Variants in ITPR2 observed in about 807,000 individuals in gnomAD.
ITPR2 encodes inositol 1,4,5-trisphosphate receptor type 2, also known as inositol 1,4,5-trisphosphate-gated calcium channel ITPR2.
In ITPR2, 207 loss-of-function variants were observed where a neutral mutation model predicts 317.1. The ratio of observed to expected loss-of-function variants is 0.65; its 90% CI spans 0.58 to 0.73. ITPR2 has a LOEUF of 0.73. ITPR2 is among the 30% of genes least tolerant of loss of function. The pLI is 0.00. For missense variants in ITPR2, 2,613 were observed against 3,284.0 expected (o/e 0.80, Z 4.99); for synonymous variants, 1,156 against 1,149.1 (o/e 1.01, Z -0.12).
chr12:26,487,943 A>G (rs985335024), intron 39 of ITPR2, among the ~76,000 whole-genome samples: 6 of 152,210 alleles, frequency 3.9e-5, no homozygotes, highest in African/African-American at 1.2e-4. Context: ...AATATAGTCA[A>G]TAATGATGTA....
chr12:26,346,034 T>G (rs1308817601), intron 55 of ITPR2, among the ~76,000 whole-genome samples: 1 of 152,214 alleles, frequency 6.6e-6, no homozygotes, highest in Non-Finnish European at 1.5e-5. Context: ...CAGGGTAGTA[T>G]AAAGTCAGGG....
intron 37 of ITPR2, among the ~76,000 whole-genome samples, chr12:26,499,363 A>T (rs892680119): frequency 1.3e-5 from 2 of 152,206 alleles, no homozygotes; most frequent in Non-Finnish European, 2.9e-5. Context: ...TAGAAAAGGC[A>T]GGGGCTTCCT....
chr12:26,630,939 T>G (rs1946738460), intron 22 of ITPR2, among the ~76,000 whole-genome samples: 1 of 152,164 alleles, frequency 6.6e-6, no homozygotes, highest in Admixed American at 6.5e-5. Flanking sequence ...CCTGCCAATA[T>G]TTCTCAGGAT....
At chr12:26,548,334 G>A (rs558246841) in intron 37 of ITPR2, among the ~76,000 whole-genome samples, 4 of 152,224 alleles carry the variant, frequency 2.6e-5, no homozygotes, top group African/African-American at 7.2e-5. Context: ...ACAGATTTCC[G>A]GAGGCTAATG....
In ITPR2 at chr12:26,340,150, TC is replaced by T. The variant is rs757835868; in HGVS notation, c.8019+16del. The T allele has an allele frequency of 3.9e-5, 62 of 1,582,570 alleles. No individual in the cohort carries two copies. Among genetic ancestry groups the T allele is most frequent in the Non-Finnish European group, 4.7e-5 (55 of 1,164,094 alleles). On this transcript the variant is annotated intron_variant, in intron 56 of 56. Transcript: ENST00000381340. Reference sequence around the variant, plus strand: ...TGACTTTATCCCACCCAGCCCCATCTCCCTGAATGCACCCACCTGCTCCTTG... The same window carrying T: ...TGACTTTATCCCACCCAGCCCCATCTCCTGAATGCACCCACCTGCTCCTTG...
intron 48 of ITPR2, among the ~76,000 whole-genome samples, chr12:26,435,977 T>C (rs1438307823): frequency 6.6e-6 from 1 of 152,182 alleles, no homozygotes; most frequent in Admixed American, 6.5e-5. Context: ...ATGACAAATC[T>C]TTTCATTGCT....
intron 1 of ITPR2, among the ~76,000 whole-genome samples, chr12:26,799,858 T>C (rs1331193764): frequency 2.0e-5 from 3 of 152,240 alleles, no homozygotes; most frequent in East Asian, 3.8e-4. Context: ...TTGAGATCAA[T>C]TATTTAGTGG....
chr12:26,347,726 CT>C (rs1300428111), intron 55 of ITPR2, among the ~76,000 whole-genome samples: 4 of 152,284 alleles, frequency 2.6e-5, no homozygotes, highest in African/African-American at 4.8e-5. Context: ...CTTGGGCCCC[CT>C]TGATTTCTTC....
intron 37 of ITPR2, among the ~76,000 whole-genome samples, chr12:26,541,194 G>A (rs1212163258): frequency 1.3e-5 from 2 of 150,258 alleles, no homozygotes; most frequent in Non-Finnish European, 3.0e-5. Context: ...GCAGCCGCCT[G>A]TAATCCCAGC....
rs1348720773 is a variant in ITPR2, at chr12:26,373,038, G to A, written c.7857+14396C>T. The stretch of plus-strand genomic sequence containing the variant: ...GCACAAGGGTGTAATCATGTGGACT[G>A]CATAACATCAGAACTTAACAGCCAG... On this transcript the variant is annotated intron_variant, in intron 55 of 56. Transcript: ENST00000381340. Among the ~76,000 whole-genome samples, 3 of 152,156 alleles carry A rather than the reference G, an allele frequency of 2.0e-5. No homozygotes were observed. The East Asian group carries it at 5.8e-4, about 29-fold the overall frequency.
At chr12:26,602,222 T>C (rs1946017112) in intron 28 of ITPR2, 148 bp downstream of exon 28, 2 of 726,432 alleles carry the variant, frequency 2.8e-6, no homozygotes, top group Non-Finnish European at 4.4e-6. Flanking sequence ...GTAGAAAACA[T>C]ACACAAAAGG....
In ITPR2 at chr12:26,665,923, T is replaced by A. The variant is rs373641879; in HGVS notation, c.1538A>T (p.Asn513Ile). The change falls in exon 14 of 57, where the codon AAC becomes ATC. Residue 513 changes from asparagine (N) to isoleucine (I), a missense_variant. Around this residue, in one of 9 missense-constraint regions of ITPR2, gnomAD observed 515 missense variants for 789.4 expected, o/e 0.65. Transcript: ENST00000381340. ...RERQKLMREQNILAQVFGILK... is the reference protein window; with the variant it reads ...RERQKLMREQIILAQVFGILK... Reference sequence around the variant, plus strand: ...GAAAAAATTCACCTGTGCCAGTATGTTTTGTTCCCTCATCAATTTTTGACG... The same window carrying A: ...GAAAAAATTCACCTGTGCCAGTATGATTTGTTCCCTCATCAATTTTTGACG... 1.3e-5 allele frequency: 21 copies of A among 1,612,144 alleles called. No homozygotes were observed. The highest frequency in any genetic ancestry group is 2.7e-5 in the African/African-American group (2 of 74,800).
chr12:26,542,639 G>A (rs1944292983), intron 37 of ITPR2, among the ~76,000 whole-genome samples: 1 of 152,156 alleles, frequency 6.6e-6, no homozygotes, highest in South Asian at 2.1e-4. Context: ...TAAAACCGTT[G>A]CTTAAAACTG....
At chr12:26,533,244 T>C (rs1016333227) in intron 37 of ITPR2, among the ~76,000 whole-genome samples, 1 of 152,354 alleles carries the variant, frequency 6.6e-6, no homozygotes, top group East Asian at 1.9e-4. Flanking sequence ...CTGGTAGTCA[T>C]TGTCACTTGA....
intron 9 of ITPR2, among the ~76,000 whole-genome samples, chr12:26,701,173 T>A (rs1470180562): frequency 6.6e-6 from 1 of 152,180 alleles, no homozygotes; most frequent in Non-Finnish European, 1.5e-5. Context: ...CATAAATACC[T>A]GGGCAGTGAA....
chr12:26,425,254 A>G (rs1941022612), intron 49 of ITPR2, among the ~76,000 whole-genome samples: 1 of 152,204 alleles, frequency 6.6e-6, no homozygotes, highest in Non-Finnish European at 1.5e-5. Flanking sequence ...AAACATGTTT[A>G]TTAATCCACA....
At chr12:26,606,827 C>T (rs1946140377) in intron 26 of ITPR2, among the ~76,000 whole-genome samples, 1 of 152,070 alleles carries the variant, frequency 6.6e-6, no homozygotes, top group African/African-American at 2.4e-5. Flanking sequence ...GCCCTGGCTA[C>T]TCAGGAAGCT....
At chr12:26,403,634 A>G (rs960118135) in intron 52 of ITPR2, among the ~76,000 whole-genome samples, 4 of 152,182 alleles carry the variant, frequency 2.6e-5, no homozygotes, top group African/African-American at 9.6e-5. Context: ...ACAAGCAAAC[A>G]AACAACAATG....
chr12:26,462,664 GC>G (rs1388541946), intron 45 of ITPR2, among the ~76,000 whole-genome samples: 1 of 130,268 alleles, frequency 7.7e-6, no homozygotes, highest in Non-Finnish European at 1.7e-5. Flanking sequence ...ATATAGTTAA[GC>G]TTTCTTTCTT....
Sources: allele counts gnomAD v4.1 joint callset (sites outside exome capture counted in the v4.1 genomes callset), GRCh38; gene constraint gnomAD v4.1.1; regional missense constraint gnomAD v4.1.1; transcripts MANE v1.5; gene names NCBI Gene and HGNC (gene_info 2026-07-23, HGNC 2026-07-21).